KCNH5: variants seen among roughly 807,000 people sequenced by gnomAD.
KCNH5 encodes voltage-gated delayed rectifier potassium channel KCNH5.
Under a neutral mutation model 96.1 loss-of-function variants are expected in KCNH5, and 46 were observed. The ratio of observed to expected loss-of-function variants is 0.48; its 90% confidence interval spans 0.38 to 0.61. KCNH5 has a LOEUF of 0.61. Ranked by LOEUF, KCNH5 falls within the 20% of genes least tolerant of loss-of-function variation. The probability of loss-of-function intolerance (pLI) is 0.00; values close to 1 mark genes in which losing one functional copy is unlikely to be tolerated. For synonymous variants in KCNH5, 439 were observed against 449.8 expected (o/e 0.98, Z 0.30); for missense variants, 907 against 1,225.8 (o/e 0.74, Z 3.88).
At chr14:62,827,135 AG>A (rs1189312930) in intron 8 of KCNH5, among the ~76,000 whole-genome samples, 5 of 152,216 alleles carry the variant, frequency 3.3e-5, no homozygotes, top group African/African-American at 9.6e-5. Context: ...GTTGTATAAA[AG>A]GAACAAAAAT....
chr14:62,986,774 A>G (rs1048809507), intron 5 of KCNH5, among the ~76,000 whole-genome samples: 9 of 152,130 alleles, frequency 5.9e-5, no homozygotes, highest in Non-Finnish European at 1.2e-4. Context: ...GCATACCCTG[A>G]ATATGTGTTT....
intron 10 of KCNH5, among the ~76,000 whole-genome samples, chr14:62,709,220 G>C (rs1328145562): frequency 1.1e-5 from 1 of 91,366 alleles, no homozygotes; most frequent in African/African-American, 4.3e-5. Flanking sequence ...GCGACAGAAC[G>C]AGACTCCTTC....
intron 6 of KCNH5, among the ~76,000 whole-genome samples, chr14:62,952,861 C>G (rs1202919950): frequency 6.6e-6 from 1 of 152,034 alleles, no homozygotes; most frequent in Non-Finnish European, 1.5e-5. Context: ...TCCTGACAGG[C>G]CTGCTCTGGA....
intron 7 of KCNH5, among the ~76,000 whole-genome samples, chr14:62,932,408 A>AAT (rs1389602210): frequency 6.6e-6 from 1 of 151,878 alleles, no homozygotes; most frequent in African/African-American, 2.4e-5. Context: ...TAGAAATTGG[A>AAT]ATACACGAAA....
At chr14:62,853,806 A>C (rs2140050204) in intron 7 of KCNH5, among the ~76,000 whole-genome samples, 1 of 151,904 alleles carries the variant, frequency 6.6e-6, no homozygotes. Flanking sequence ...CAGGAGTTCA[A>C]TACCAGCCTC....
chr14:62,811,091 T>C (rs1182613586), intron 8 of KCNH5, among the ~76,000 whole-genome samples: 1 of 152,030 alleles, frequency 6.6e-6, no homozygotes, highest in Admixed American at 6.6e-5. Flanking sequence ...AAAAAATGAA[T>C]GTCATGGTCT....
At chr14:62,884,257 T>C (rs527516765) in intron 7 of KCNH5, among the ~76,000 whole-genome samples, 2 of 152,340 alleles carry the variant, frequency 1.3e-5, no homozygotes, top group East Asian at 3.9e-4. Flanking sequence ...GAAATTGGAT[T>C]TCTCTGAGTC....
chr14:62,916,703 A>G (rs112289963), intron 7 of KCNH5, among the ~76,000 whole-genome samples: 12 of 148,792 alleles, frequency 8.1e-5, no homozygotes, highest in East Asian at 5.9e-4. Context: ...CTGAGACTGC[A>G]TGTTTGATTT....
At chr14:62,763,751 A>C (rs938322853) in intron 10 of KCNH5, among the ~76,000 whole-genome samples, 26 of 152,230 alleles carry the variant, frequency 1.7e-4, no homozygotes, top group African/African-American at 6.0e-4. Context: ...GGCTATTACA[A>C]ACACTTTCAT....
intron 9 of KCNH5, among the ~76,000 whole-genome samples, chr14:62,781,557 A>G (rs145266769): frequency 0.025 from 3,755 of 152,274 alleles, 85 homozygotes; most frequent in Middle Eastern, 0.048. Flanking sequence ...GGTGGGGGGC[A>G]GTTTAGAGAC....
chr14:62,709,065 C>G (rs1195274314), intron 10 of KCNH5, among the ~76,000 whole-genome samples: 1 of 151,226 alleles, frequency 6.6e-6, no homozygotes, highest in African/African-American at 2.4e-5. Flanking sequence ...AACCCCGTCT[C>G]TACTAAAAAT....
At chr14:62,940,357 T>A (rs1311163001) in intron 7 of KCNH5, among the ~76,000 whole-genome samples, 3 of 152,208 alleles carry the variant, frequency 2.0e-5, no homozygotes, top group Non-Finnish European at 4.4e-5. Flanking sequence ...ACTCTAAATC[T>A]ATACTGTCCT....
intron 3 of KCNH5, among the ~76,000 whole-genome samples, chr14:63,003,313 G>A (rs1891045417): frequency 6.7e-6 from 1 of 149,714 alleles, no homozygotes; most frequent in Non-Finnish European, 1.5e-5. Context: ...GGTTCAGGGG[G>A]CTGGGGAGTC....
At chr14:62,951,520 C>A (rs1890005267) in intron 6 of KCNH5, among the ~76,000 whole-genome samples, 11 of 152,156 alleles carry the variant, frequency 7.2e-5, no homozygotes, top group Admixed American at 7.2e-4. Flanking sequence ...TTACTGCTAA[C>A]CCTGTCTCCC....
chr14:62,803,895 G>C (rs2140001445), intron 8 of KCNH5, among the ~76,000 whole-genome samples: 1 of 152,214 alleles, frequency 6.6e-6, no homozygotes, highest in Admixed American at 6.5e-5. Flanking sequence ...CCTCAAAGCT[G>C]AAGCTAAATT....
At chr14:62,952,579 G>A (rs1235471756) in intron 6 of KCNH5, among the ~76,000 whole-genome samples, 7 of 152,080 alleles carry the variant, frequency 4.6e-5, no homozygotes, top group Non-Finnish European at 8.8e-5. Flanking sequence ...AATATTTTCT[G>A]GTTAGCTCAA....
chr14:62,946,488 C>A (rs1409144481), intron 7 of KCNH5, among the ~76,000 whole-genome samples: 1 of 151,800 alleles, frequency 6.6e-6, no homozygotes, highest in African/African-American at 2.4e-5. Context: ...CACAAATGTT[C>A]ACAGCAGCTT....
rs76346416 is a variant in KCNH5 at position 62,707,246 on chromosome 14, C to G, written c.*262G>C. The G allele has an allele frequency of 5.1e-6, 1 of 197,734 alleles. No individual in the cohort carries two copies. Among genetic ancestry groups the G allele is most frequent in the Non-Finnish European group, 1.0e-5 (1 of 99,618 alleles). 12.2% of individuals were successfully genotyped at this position (197,734 alleles called of 1,614,324 possible). A position where few individuals can be genotyped will look rare whatever the true frequency, so the allele number is the denominator to read the frequency against. On this transcript the variant is annotated 3_prime_UTR_variant, in exon 11 of 11. Transcript: ENST00000322893. ...ATTGCCTTGGGTAACAAAAATCATA[C>G]TCTTTTATTATAGAATAGAGATTAT...
At position 62,699,720 on chromosome 14, in the gene KCNH5, A is replaced by C. The variant is rs1269688319; in HGVS notation, c.*7788T>G. 6.6e-6 allele frequency: 1 copy of C among 152,188 alleles called. No individual in the cohort carries two copies. The highest frequency in any genetic ancestry group is 1.5e-5 in the Non-Finnish European group (1 of 68,014). 9.4% of individuals were successfully genotyped at this position (152,188 alleles called of 1,614,324 possible). A position where few individuals can be genotyped will look rare whatever the true frequency, so the allele number is the denominator to read the frequency against. ...GAATTTTGATCACAATTGTTTCATA[A>C]TTGACCCTAAAGTCACAAAGTTAAA... On this transcript the variant is annotated 3_prime_UTR_variant, in exon 11 of 11. Transcript: ENST00000322893.
Sources: allele counts gnomAD v4.1 joint callset (sites outside exome capture counted in the v4.1 genomes callset), GRCh38; gene constraint gnomAD v4.1.1; transcripts MANE v1.5; gene names NCBI Gene and HGNC (gene_info 2026-07-23, HGNC 2026-07-21).